JADE2: variants seen among roughly 807,000 people sequenced by gnomAD.
JADE2 encodes the protein E3 ubiquitin-protein ligase Jade-2.
Under a neutral mutation model 85.7 loss-of-function variants are expected in JADE2, and 13 were observed. The ratio of observed to expected loss-of-function variants is 0.15; its 90% CI spans 0.10 to 0.24. The LOEUF (loss-of-function observed/expected upper bound fraction) is 0.24. JADE2 is among the 10% of genes least tolerant of loss of function. The pLI, the probability that JADE2 is intolerant of heterozygous loss-of-function variation, is 1.00. For missense variants in JADE2, 846 were observed against 1,115.9 expected (o/e 0.76, Z 3.45); for synonymous variants, 440 against 456.1 (o/e 0.96, Z 0.45).
At chr5:134,548,977 C>T (rs1349468046) in intron 3 of JADE2, among the ~76,000 whole-genome samples, 2 of 152,148 alleles carry the variant, frequency 1.3e-5, no homozygotes, top group Non-Finnish European at 1.5e-5. Flanking sequence ...CTAGGGGCCT[C>T]AGATTCATCA....
At chr5:134,568,503 T>C (rs1430950519) in intron 9 of JADE2, among the ~76,000 whole-genome samples, 9 of 152,184 alleles carry the variant, frequency 5.9e-5, no homozygotes, top group Admixed American at 5.9e-4. Flanking sequence ...CAGAGACTCC[T>C]GCAGTGGGAG....
upstream of JADE2, chr5:134,525,605 C>T: frequency 1.1e-5 from 4 of 364,372 alleles, no homozygotes; most frequent in Non-Finnish European, 1.5e-5. Flanking sequence ...CCCCACCCCA[C>T]CCCCACCCCA....
chr5:134,561,796 A>C (rs1289570075), intron 6 of JADE2, among the ~76,000 whole-genome samples: 1 of 152,136 alleles, frequency 6.6e-6, no homozygotes, highest in Non-Finnish European at 1.5e-5. Context: ...AACCTTCTTC[A>C]TGGGTCCCTG....
intron 1 of JADE2, 119 bp downstream of exon 1, chr5:134,526,130 C>G: frequency 3.0e-6 from 3 of 985,436 alleles, no homozygotes; most frequent in Non-Finnish European, 3.6e-6. Context: ...CTCGCTCCCT[C>G]TCTCTCCTGC....
intron 3 of JADE2, among the ~76,000 whole-genome samples, chr5:134,543,189 C>T (rs1042490895): frequency 3.3e-5 from 5 of 152,012 alleles, no homozygotes; most frequent in Admixed American, 2.6e-4. Context: ...TGCACGCCAC[C>T]ATGCCTGGCT....
intron 4 of JADE2, among the ~76,000 whole-genome samples, chr5:134,553,010 T>TA (rs1208126286): frequency 2.0e-5 from 3 of 147,028 alleles, no homozygotes; most frequent in African/African-American, 2.5e-5. Flanking sequence ...TTTTTTTTTT[T>TA]TCTGACAAGG....
chr5:134,544,821 A>C (rs1031847104), intron 3 of JADE2, among the ~76,000 whole-genome samples: 3 of 152,074 alleles, frequency 2.0e-5, no homozygotes, highest in Non-Finnish European at 4.4e-5. Flanking sequence ...CCACTCCCCC[A>C]AAAAACACAG....
intron 10 of JADE2, 144 bp from the exon 11 acceptor site, chr5:134,576,624 C>A: frequency 9.7e-7 from 1 of 1,033,392 alleles, no homozygotes; most frequent in Non-Finnish European, 1.4e-6. Flanking sequence ...ACCATGCCAG[C>A]CATCCCCTAA....
chr5:134,560,712 C>G, intron 5 of JADE2, 34 bp from the exon 6 acceptor site: 1 of 1,589,884 alleles, frequency 6.3e-7, no homozygotes, highest in South Asian at 1.1e-5. Context: ...GGCTGGGCTC[C>G]TAACACCACC....
At chr5:134,533,044 A>G (rs1284476332) in intron 1 of JADE2, among the ~76,000 whole-genome samples, 1 of 152,178 alleles carries the variant, frequency 6.6e-6, no homozygotes, top group Non-Finnish European at 1.5e-5. Context: ...TGTGGAGGAC[A>G]GGGTTAGATG....
Position 134,579,627 on chromosome 5 carries a change from G to A in JADE2, c.*310G>A, listed in dbSNP as rs1417541600. ...CTAGATGCAAGCAAGGTGGACAAGA[G>A]CTCAGGACTCCAGCCCACTGCCACT... is the stretch of plus-strand genomic sequence containing the variant. On this transcript the variant is annotated 3_prime_UTR_variant, in exon 12 of 12. Coordinates refer to ENST00000681547, the MANE Select transcript of JADE2 (RefSeq NM_001388185.1). This position sits in a 1 kb window ranked among gnomAD's most constrained non-coding sequence, Gnocchi z 4.6. The A allele has an allele frequency of 4.3e-5, 15 of 346,276 alleles. No individual in the cohort carries two copies. The highest frequency in any genetic ancestry group is 5.8e-5 in the Non-Finnish European group (11 of 188,512). 21.5% of individuals were successfully genotyped at this position (346,276 alleles called of 1,614,324 possible). A position where few individuals can be genotyped will look rare whatever the true frequency, so the allele number is the denominator to read the frequency against.
At chr5:134,558,521 C>T (rs986923835) in intron 4 of JADE2, among the ~76,000 whole-genome samples, 1 of 152,118 alleles carries the variant, frequency 6.6e-6, no homozygotes, top group Non-Finnish European at 1.5e-5. Context: ...TTAGGTCTAA[C>T]GTTTAAATCT....
rs1226614844 is a variant in JADE2, at chr5:134,525,778, C to G, written c.-234C>G. On this transcript the variant is annotated 5_prime_UTR_variant, in exon 1 of 12. Transcript: ENST00000681547. ...TCCATGGAGTTACTTTGCGCCCACT[C>G]CTAGCGGCACCGGCTTAGGTCCTGC... 8.7e-7 allele frequency: 1 copy of G among 1,144,308 alleles called. No individual in the cohort carries two copies. 70.9% of individuals were successfully genotyped at this position (1,144,308 alleles called of 1,614,324 possible). A position where few individuals can be genotyped will look rare whatever the true frequency, so the allele number is the denominator to read the frequency against.
In JADE2 at chr5:134,564,478, CCT is replaced by C; in HGVS notation, c.853-15_853-14del. On this transcript the variant is annotated splice_polypyrimidine_tract_variant and intron_variant, in intron 7 of 11. Transcript: ENST00000681547. Reference sequence around the variant, plus strand: ...GGGGATGAGAGGAATGATGCAGCCCCCTGTGTCCTGCCCAGGTCAGCATCGGC... The same window carrying C: ...GGGGATGAGAGGAATGATGCAGCCCCGTGTCCTGCCCAGGTCAGCATCGGC... The C allele has an allele frequency of 1.9e-6, 3 of 1,549,326 alleles. No individual in the cohort carries two copies. Among genetic ancestry groups the C allele is most frequent in the East Asian group, 2.3e-5 (1 of 43,432 alleles).
chr5:134,579,107 G>A lies in JADE2; in HGVS notation c.2295G>A (p.Pro765=), dbSNP rs769095815. Residue 765 remains proline, a synonymous_variant, in exon 12 of 12, where the codon CCG becomes CCA. Coordinates refer to ENST00000681547, the MANE Select transcript of JADE2 (RefSeq NM_001388185.1). The surrounding 1 kb of genome is among the most constrained non-coding windows in gnomAD (Gnocchi z 4.6). ...PRESKVTRRL[P]GARPDAGMGP... is the part of the protein sequence containing the mutation. ...AGAGCAAGGTAACCCGGAGATTGCC[G>A]GGTGCCAGGCCTGATGCTGGGATGG... 93 of 1,614,012 alleles carry A rather than the reference G, an allele frequency of 5.8e-5. No individual in the cohort carries two copies. The highest frequency in any genetic ancestry group is 1.6e-4 in the Middle Eastern group (1 of 6,084).
At position 134,526,427 on chromosome 5, in the gene JADE2, G is replaced by A. The variant is rs1282197049; in HGVS notation, c.-1+416G>A. The A allele has an allele frequency of 4.1e-6, 4 of 985,174 alleles. No individual in the cohort carries two copies. In the African/African-American group the frequency reaches 5.2e-5, roughly 13 times the overall value. 61.0% of individuals were successfully genotyped at this position (985,174 alleles called of 1,614,324 possible). A position where few individuals can be genotyped will look rare whatever the true frequency, so the allele number is the denominator to read the frequency against. On this transcript the variant is annotated intron_variant, in intron 1 of 11. Coordinates refer to ENST00000681547, the MANE Select transcript of JADE2 (RefSeq NM_001388185.1). The stretch of plus-strand genomic sequence containing the variant: ...GGCGTAGGGGCTGCGGCGGGAGATG[G>A]GTACGGTGGGGAGGTCGAGCGGCCC...
intron 9 of JADE2, among the ~76,000 whole-genome samples, chr5:134,570,713 C>A (rs545826126): frequency 2.6e-5 from 4 of 152,236 alleles, no homozygotes; most frequent in South Asian, 4.1e-4. Flanking sequence ...CTGACCAGGT[C>A]CCCCCTGAGG....
At chr5:134,553,613 A>G (rs556609484) in intron 4 of JADE2, among the ~76,000 whole-genome samples, 15 of 152,298 alleles carry the variant, frequency 9.8e-5, no homozygotes, top group Non-Finnish European at 1.9e-4. Flanking sequence ...CGGCCTCCCA[A>G]AGTGCTGGGA....
intron 6 of JADE2, among the ~76,000 whole-genome samples, chr5:134,561,990 A>ATT (rs976240947): frequency 2.0e-5 from 3 of 152,142 alleles, no homozygotes; most frequent in African/African-American, 7.2e-5. Flanking sequence ...AAATGGTGGC[A>ATT]TTTCAGGCAT....
Sources: gnomAD v4.1 joint callset for allele counts (sites outside exome capture counted in the v4.1 genomes callset) on GRCh38, gnomAD v4.1.1 for gene constraint, Gnocchi (gnomAD v3.1) non-coding constraint, MANE v1.5 for transcripts, NCBI Gene and HGNC (gene_info 2026-07-23, HGNC 2026-07-21) for gene names.